Variants in NCEH1 observed in about 807,000 individuals in gnomAD.
The protein encoded by NCEH1 is neutral cholesterol ester hydrolase 1.
In NCEH1, 9 loss-of-function variants were observed where a neutral mutation model predicts 25.4. The ratio of observed to expected loss-of-function variants is 0.35; its 90% CI spans 0.21 to 0.62. NCEH1 has a LOEUF of 0.62. NCEH1 is among the 20% of genes least tolerant of loss of function. The pLI, the probability that NCEH1 is intolerant of heterozygous loss-of-function variation, is 0.72. For synonymous variants in NCEH1, 200 were observed against 199.8 expected (o/e 1.00, Z -0.01); for missense variants, 412 against 501.1 (o/e 0.82, Z 1.70).
At chr3:172,680,775 T>C (rs1471112700) in intron 1 of NCEH1, 1 of 152,094 alleles carries the variant, frequency 6.6e-6, no homozygotes, top group African/African-American at 2.4e-5. Flanking sequence ...GTGGGAGTCA[T>C]AGATTAAGCG....
rs751269734 is a variant in NCEH1 at position 172,692,716 on chromosome 3, C to T, written c.138+18131G>A. 2.0e-5 allele frequency among the ~76,000 whole-genome samples: 3 copies of T among 152,128 alleles called. No individual in the cohort carries two copies. The South Asian group carries it at 6.2e-4, about 31-fold the overall frequency. On this transcript the variant is annotated intron_variant, in intron 1 of 4. Coordinates refer to ENST00000475381, the MANE Select transcript of NCEH1 (RefSeq NM_020792.6). ...AGTTTATTTCATCAAGTAATACTTA[C>T]TCTTGATGTTGGTTGTGTGCTTTCA...
chr3:172,654,279 C>G (rs1207159028), intron 1 of NCEH1, among the ~76,000 whole-genome samples: 5 of 152,216 alleles, frequency 3.3e-5, no homozygotes, highest in African/African-American at 1.2e-4. Flanking sequence ...GTACCTCAAT[C>G]TCCCATCCAC....
At chr3:172,651,958 G>C (rs112259568) in intron 1 of NCEH1, among the ~76,000 whole-genome samples, 1 of 152,202 alleles carries the variant, frequency 6.6e-6, no homozygotes, top group Non-Finnish European at 1.5e-5. Context: ...TGGTAGAAGA[G>C]GGGAAGAGAA....
chr3:172,647,957 G>A lies in NCEH1; in HGVS notation c.296C>T (p.Pro99Leu), dbSNP rs563352842. ...GVEVRVFEGPPKPEEPLKRSV... is the reference protein window; with the variant it reads ...GVEVRVFEGPLKPEEPLKRSV... ...GCGTTTCAGTGGCTCTTCGGGCTTC[G>A]GAGGGCCTTCAAACACTCTGACTTC... The change falls in exon 2 of 5, where the codon CCG (proline) becomes CTG (leucine). Residue 99 changes from proline (P) to leucine (L), a missense_variant. Physicochemically the swap from Pro to Leu is moderately conservative, Grantham distance 98. Coordinates refer to ENST00000475381, the MANE Select transcript of NCEH1 (RefSeq NM_020792.6). The A allele has an allele frequency of 8.7e-6, 14 of 1,614,158 alleles. No homozygotes were observed. The highest frequency in any genetic ancestry group is 2.7e-5 in the African/African-American group (2 of 75,040).
intron 1 of NCEH1, among the ~76,000 whole-genome samples, chr3:172,700,251 C>T (rs1372191561): frequency 6.6e-6 from 1 of 152,134 alleles, no homozygotes; most frequent in African/African-American, 2.4e-5. Context: ...TATTCAAGCT[C>T]ATACAGATTT....
In NCEH1 at chr3:172,690,128, C is replaced by G. The variant is rs2108527866; in HGVS notation, c.138+20719G>C. On this transcript the variant is annotated intron_variant, in intron 1 of 4. Transcript: ENST00000475381. ...CCATGTTAGCCAGGATGGTCTCAAT[C>G]TCCTCACCTCGTGATCCACCCGCCT... is the stretch of plus-strand genomic sequence containing the variant. Among the ~76,000 whole-genome samples, 3 of 152,190 alleles carry G rather than the reference C, an allele frequency of 2.0e-5. No individual in the cohort carries two copies. In the East Asian group the frequency reaches 5.8e-4, roughly 29 times the overall value.
At chr3:172,676,286 A>T (rs1470796012) in intron 1 of NCEH1, among the ~76,000 whole-genome samples, 2 of 152,214 alleles carry the variant, frequency 1.3e-5, no homozygotes, top group Non-Finnish European at 2.9e-5. Context: ...GGGCCGGGCC[A>T]GGAAGCTTTG....
At chr3:172,665,797 G>A (rs745367858) in intron 1 of NCEH1, among the ~76,000 whole-genome samples, 10 of 152,324 alleles carry the variant, frequency 6.6e-5, no homozygotes, top group South Asian at 2.1e-4. Context: ...AGCCATGCGC[G>A]GGATATAATC....
intron 1 of NCEH1, among the ~76,000 whole-genome samples, chr3:172,688,284 C>G (rs1398330438): frequency 7.5e-6 from 1 of 132,460 alleles, no homozygotes; most frequent in Non-Finnish European, 1.5e-5. Context: ...GAGCCGAGAT[C>G]ACGTCACTGC....
intron 1 of NCEH1, among the ~76,000 whole-genome samples, chr3:172,685,432 G>A (rs1249235499): frequency 6.6e-6 from 1 of 152,122 alleles, no homozygotes; most frequent in Non-Finnish European, 1.5e-5. Flanking sequence ...AATCTTAAAT[G>A]GATGCAAATG....
intron 1 of NCEH1, among the ~76,000 whole-genome samples, chr3:172,703,607 T>C (rs1052469636): frequency 6.6e-6 from 1 of 151,148 alleles, no homozygotes; most frequent in African/African-American, 2.4e-5. Flanking sequence ...AAAAAGAACA[T>C]TTAAGAATGA....
intron 3 of NCEH1, among the ~76,000 whole-genome samples, chr3:172,641,232 T>TAGATATA (rs10653925): frequency 0.45 from 67,606 of 151,602 alleles, 15,521 homozygotes; most frequent in African/African-American, 0.58. Context: ...CTGCAAATCT[T>TAGATATA]AGATAAACAC....
chr3:172,650,974 G>C (rs1047008906), intron 1 of NCEH1, among the ~76,000 whole-genome samples: 1 of 145,850 alleles, frequency 6.9e-6, no homozygotes, highest in Non-Finnish European at 1.5e-5. Context: ...AGTTATACTA[G>C]AGCCAATATC....
chr3:172,642,454 G>A (rs1716895458), intron 3 of NCEH1, among the ~76,000 whole-genome samples: 1 of 151,740 alleles, frequency 6.6e-6, no homozygotes, highest in Admixed American at 6.6e-5. Flanking sequence ...GGGATTACAG[G>A]TGTGAGCCAC....
chr3:172,698,290 T>C (rs1713487575), intron 1 of NCEH1, among the ~76,000 whole-genome samples: 2 of 152,144 alleles, frequency 1.3e-5, no homozygotes, highest in African/African-American at 4.8e-5. Flanking sequence ...AAAAGCAGAA[T>C]TGACTTGCTT....
intron 3 of NCEH1, 29 bp from the exon 4 acceptor site, chr3:172,636,116 A>T (rs1440902365): frequency 2.6e-6 from 4 of 1,557,570 alleles, no homozygotes; most frequent in Non-Finnish European, 3.5e-6. Flanking sequence ...TATTCATTTA[A>T]GGCCTTCTCC....
chr3:172,681,312 C>G (rs567352483), intron 1 of NCEH1: 1 of 152,288 alleles, frequency 6.6e-6, no homozygotes, highest in Admixed American at 6.5e-5. Context: ...TAAAAAGACT[C>G]AGGTTTTTAA....
intron 1 of NCEH1, among the ~76,000 whole-genome samples, chr3:172,665,569 G>A (rs1164393670): frequency 6.6e-6 from 1 of 152,222 alleles, no homozygotes; most frequent in Non-Finnish European, 1.5e-5. Flanking sequence ...CTTTTGTTCA[G>A]CTATGCCCTG....
rs1198136570 is a variant in NCEH1, at chr3:172,636,063, A to C, written c.462T>G (p.Tyr154Ter). Residue 154 changes from tyrosine to a stop codon, truncating the protein, a stop_gained, in exon 4 of 5, where the codon TAT becomes TAG. Coordinates refer to ENST00000475381, the MANE Select transcript of NCEH1 (RefSeq NM_020792.6). LOFTEE classifies it high-confidence loss of function. ...SIEYRLVPKV[Y>*]FPEQIHDVVR... The stretch of plus-strand genomic sequence containing the variant: ...CAACATCATGAATTTGCTCAGGAAA[A>C]TAAACCTTTGGAACTAGCCTGTATC... The C allele has an allele frequency of 6.2e-7, 1 of 1,613,964 alleles. No homozygotes were observed. The highest frequency in any genetic ancestry group is 8.5e-7 in the Non-Finnish European group (1 of 1,179,966).
Sources: allele counts gnomAD v4.1 joint callset (sites outside exome capture counted in the v4.1 genomes callset), GRCh38; gene constraint gnomAD v4.1.1; transcripts MANE v1.5; gene names NCBI Gene and HGNC (gene_info 2026-07-23, HGNC 2026-07-21).